The following CAMTA2 variants were observed in gnomAD, a reference collection of about 807,000 sequenced individuals.
The protein encoded by CAMTA2 is calmodulin-binding transcription activator 2.
In CAMTA2, 56 loss-of-function variants were observed where a neutral mutation model predicts 135.7. The observed-to-expected ratio is 0.41, with a 90% CI of 0.33 to 0.52. The LOEUF is 0.52. Ranked by LOEUF, CAMTA2 falls within the 20% of genes least tolerant of loss-of-function variation. The pLI, the probability that CAMTA2 is intolerant of heterozygous loss-of-function variation, is 0.16. For missense variants in CAMTA2, 1,358 were observed against 1,553.4 expected, an observed-to-expected ratio of 0.87 and a Z score of 2.11; for synonymous variants, 591 against 604.6, an observed-to-expected ratio of 0.98 and a Z score of 0.33.
At position 4,969,581 on chromosome 17, in the gene CAMTA2, T is replaced by C. The variant is rs1347450547; in HGVS notation, c.3261+49A>G. On this transcript the variant is annotated intron_variant, in intron 19 of 22. Transcript: ENST00000348066. This position sits in a 1 kb window ranked among gnomAD's most constrained non-coding sequence, Gnocchi z 5.6. ...ACATTCTGGAATGGTTAGGCGTGGG[T>C]GTGGGTTGGTGGGTTGCTGGTTACA... 2.5e-6 allele frequency: 4 copies of C among 1,613,528 alleles called. No individual in the cohort carries two copies. The African/African-American group carries it at 5.3e-5, about 22-fold the overall frequency.
In CAMTA2 at chr17:4,968,142, T is replaced by G. The variant is rs1480050263; in HGVS notation, c.*614A>C. ...CCTCCCCGCGGCGCCTTAAATAGATTCTTCACTATACTCTGTATGTTACAG... is the reference window on the plus strand; with the variant it reads ...CCTCCCCGCGGCGCCTTAAATAGATGCTTCACTATACTCTGTATGTTACAG... On this transcript the variant is annotated 3_prime_UTR_variant, in exon 23 of 23. Transcript: ENST00000348066. 2 of 402,028 alleles carry G rather than the reference T, an allele frequency of 5.0e-6. No individual in the cohort carries two copies. Among genetic ancestry groups the G allele is most frequent in the Non-Finnish European group, 9.2e-6 (2 of 217,830 alleles). 24.9% of individuals were successfully genotyped at this position (402,028 alleles called of 1,614,324 possible). A position where few individuals can be genotyped will look rare whatever the true frequency, so the allele number is the denominator to read the frequency against.
chr17:4,974,864 A>C (rs532834414), intron 11 of CAMTA2, among the ~76,000 whole-genome samples: 1 of 152,298 alleles, frequency 6.6e-6, no homozygotes, highest in East Asian at 1.9e-4. Flanking sequence ...CAATTTTTGC[A>C]GCAGACACTA....
chr17:4,975,947 TTGTG>T (rs1194116241), intron 11 of CAMTA2, among the ~76,000 whole-genome samples: 3 of 152,114 alleles, frequency 2.0e-5, no homozygotes, highest in Admixed American at 6.5e-5. Flanking sequence ...GCCTCTATGT[TTGTG>T]TTAGTACACC....
chr17:4,980,709 G>T lies in CAMTA2; in HGVS notation c.701-88C>A. 1 of 1,024,036 alleles carries T rather than the reference G, an allele frequency of 9.8e-7. No individual in the cohort carries two copies. Among genetic ancestry groups the T allele is most frequent in the Non-Finnish European group, 1.5e-6 (1 of 665,568 alleles). 63.4% of individuals were successfully genotyped at this position (1,024,036 alleles called of 1,614,324 possible). On this transcript the variant is annotated intron_variant, in intron 8 of 22. Coordinates refer to ENST00000348066, the MANE Select transcript of CAMTA2 (RefSeq NM_015099.4). This position sits in a 1 kb window ranked among gnomAD's most constrained non-coding sequence, Gnocchi z 5.3. Reference sequence around the variant, plus strand: ...TTGAGGCCCTTAAAAGTATTTCCTGGGACGTCCCTATAAACCAGAGGTGTA... The same window carrying T: ...TTGAGGCCCTTAAAAGTATTTCCTGTGACGTCCCTATAAACCAGAGGTGTA...
intron 1 of CAMTA2, chr17:4,987,342 C>T (rs1470902235): frequency 1.5e-6 from 2 of 1,343,904 alleles, no homozygotes; most frequent in Non-Finnish European, 1.9e-6. Context: ...CGCGGGCACG[C>T]GGTGGGCGAG....
At position 4,974,446 on chromosome 17, in the gene CAMTA2, A is replaced by G. The variant is rs754530732; in HGVS notation, c.1955T>C (p.Met652Thr). Reference sequence around the variant, plus strand: ...CTGCCCAGCTGCTGCGATCTCTGCCATCCGCTTCTCCATCTGCTCCAGTCG... The same window carrying G: ...CTGCCCAGCTGCTGCGATCTCTGCCGTCCGCTTCTCCATCTGCTCCAGTCG... Reference protein sequence around the residue: ...LERLEQMEKRMAEIAAAGQVP... With the variant: ...LERLEQMEKRTAEIAAAGQVP... Residue 652 changes from methionine to threonine, a missense_variant, in exon 12 of 23, where the codon ATG (methionine) becomes ACG (threonine). Met to Thr is a moderately conservative substitution (Grantham distance 81). This residue lies in a region of CAMTA2 where 1,077 missense variants were observed against 1,127.5 expected (regional missense o/e 0.96). Coordinates refer to ENST00000348066, the MANE Select transcript of CAMTA2 (RefSeq NM_015099.4). 5.0e-6 allele frequency: 8 copies of G among 1,614,022 alleles called. No homozygotes were observed. Among genetic ancestry groups the G allele is most frequent in the Non-Finnish European group, 6.8e-6 (8 of 1,179,940 alleles).
At chr17:4,983,120 TG>T in intron 3 of CAMTA2, 77 bp from the exon 4 acceptor site, 1 of 1,234,924 alleles carries the variant, frequency 8.1e-7, no homozygotes, top group Non-Finnish European at 1.2e-6. Flanking sequence ...ATCCTGTCAG[TG>T]TCTCACTCTC....
Position 4,968,305 on chromosome 17 carries a change from A to G in CAMTA2, c.*451T>C, listed in dbSNP as rs1972036835. On this transcript the variant is annotated 3_prime_UTR_variant, in exon 23 of 23. Coordinates refer to ENST00000348066, the MANE Select transcript of CAMTA2 (RefSeq NM_015099.4). ...AGACAGGGCCAGAGAGGGAGGAAAC[A>G]GACGCAAACATGCGGAGTCGGGTGG... 3.7e-6 allele frequency: 1 copy of G among 272,564 alleles called. No homozygotes were observed. Among genetic ancestry groups the G allele is most frequent in the Non-Finnish European group, 7.1e-6 (1 of 140,300 alleles). The allele number at this position is 272,564 out of a possible 1,614,324, so 16.9% of individuals were successfully genotyped here. A position where few individuals can be genotyped will look rare whatever the true frequency, so the allele number is the denominator to read the frequency against.
rs762121564 is a variant in CAMTA2, at chr17:4,973,746, G to A, written c.2040C>T (p.Phe680=). 6 of 1,611,544 alleles carry A rather than the reference G, an allele frequency of 3.7e-6. No homozygotes were observed. In the East Asian group the frequency reaches 1.3e-4, roughly 36 times the overall value. The part of the protein sequence containing the change: ...PVQDEGQGPG[F]EARVVVLVES... ...CTACCAAGACCACTACCCGTGCTTC[G>A]AACCCAGGCCCCTGGCCTTCATCCT... The change falls in exon 13 of 23, where the codon TTC becomes TTT. Residue 680 remains phenylalanine (F), a synonymous_variant. Transcript: ENST00000348066.
rs1972395997 is a variant in CAMTA2, at chr17:4,972,980, A to G, written c.2292T>C (p.Cys764=). The G allele has an allele frequency of 6.2e-7, 1 of 1,612,500 alleles. No homozygotes were observed. Among genetic ancestry groups the G allele is most frequent in the African/African-American group, 1.3e-5 (1 of 74,902 alleles). ...HFSCTPLMWA[C]ALGHLEAAVL... ...CAGCAGCTTCCAGGTGTCCCAGGGCACAAGCCCACATCTGAGGAAGGGGGC... is the reference window on the plus strand; with the variant it reads ...CAGCAGCTTCCAGGTGTCCCAGGGCGCAAGCCCACATCTGAGGAAGGGGGC... The change falls in exon 15 of 23, where the codon TGT becomes TGC. Residue 764 remains cysteine, a synonymous_variant. Coordinates refer to ENST00000348066, the MANE Select transcript of CAMTA2 (RefSeq NM_015099.4).
At chr17:4,970,681 A>G (rs1972229242) in intron 16 of CAMTA2, 145 bp from the exon 17 acceptor site, 2 of 665,806 alleles carry the variant, frequency 3.0e-6, no homozygotes, top group Non-Finnish European at 5.2e-6. Flanking sequence ...TCATTCATTT[A>G]TACTGATGGG....
intron 16 of CAMTA2, among the ~76,000 whole-genome samples, chr17:4,971,854 AATTTTTGTATTTCTT>A (rs760346702): frequency 6.6e-6 from 1 of 151,726 alleles, no homozygotes; most frequent in African/African-American, 2.4e-5. Context: ...GTGCCCAGTT[AATTTTTGTATTTCTT>A]GTAGAGAGGG....
rs1475523287 is a variant in CAMTA2, at chr17:4,981,208, G to A, written c.700+17C>T. The A allele has an allele frequency of 4.3e-6, 7 of 1,612,084 alleles. No individual in the cohort carries two copies. The highest frequency in any genetic ancestry group is 5.1e-6 in the Non-Finnish European group (6 of 1,179,466). ...GGCTAGGTGGGAAGACAGCCAAAAG[G>A]TCAGGGAGTAACTTACCAAGCCCCC... On this transcript the variant is annotated intron_variant, in intron 8 of 22. Coordinates refer to ENST00000348066, the MANE Select transcript of CAMTA2 (RefSeq NM_015099.4).
rs750749048 is a variant in CAMTA2, at chr17:4,980,470, G to T, written c.852C>A (p.Pro284=). The change falls in exon 9 of 23, where the codon CCC becomes CCA. Residue 284 remains proline (P), a synonymous_variant. Coordinates refer to ENST00000348066, the MANE Select transcript of CAMTA2 (RefSeq NM_015099.4). This position sits in a 1 kb window ranked among gnomAD's most constrained non-coding sequence, Gnocchi z 5.3. The stretch of plus-strand genomic sequence containing the variant: ...AAGAAGATGGGGAGGTGTGTGCCTT[G>T]GGGAGCTCTGGGGGAAGTGGGGCTA... ...PLIAPLPPEL[P]KAHTSPSSSS... is the part of the protein sequence containing the mutation. 6.2e-7 allele frequency: 1 copy of T among 1,612,976 alleles called. No individual in the cohort carries two copies. The highest frequency in any genetic ancestry group is 8.5e-7 in the Non-Finnish European group (1 of 1,179,554).
chr17:4,973,549 A>C, intron 13 of CAMTA2, 36 bp downstream of exon 13: 1 of 1,580,136 alleles, frequency 6.3e-7, no homozygotes, highest in Non-Finnish European at 8.6e-7. Context: ...TCTGTCCCAG[A>C]GGCTGCCCAG....
At position 4,970,378 on chromosome 17, in the gene CAMTA2, C is replaced by T. The variant is rs376425518; in HGVS notation, c.2967G>A (p.Leu989=). 63 of 1,614,118 alleles carry T rather than the reference C, an allele frequency of 3.9e-5. No individual in the cohort carries two copies. The highest frequency in any genetic ancestry group is 5.1e-5 in the Non-Finnish European group (60 of 1,180,040). Residue 989 remains leucine (L), a synonymous_variant, in exon 17 of 23, where the codon CTG becomes CTA. Coordinates refer to ENST00000348066, the MANE Select transcript of CAMTA2 (RefSeq NM_015099.4). ...SETMSWLASY[L]ENVDHFPSST... is the part of the protein sequence containing the mutation. The stretch of plus-strand genomic sequence containing the variant: ...AGCTGGGGAAATGGTCCACATTCTC[C>T]AGGTAGCTGGCCAGCCAGGACATGG...
At position 4,973,878 on chromosome 17, in the gene CAMTA2, C is replaced by T. The variant is rs575889504; in HGVS notation, c.2017-109G>A. On this transcript the variant is annotated intron_variant, in intron 12 of 22. Coordinates refer to ENST00000348066, the MANE Select transcript of CAMTA2 (RefSeq NM_015099.4). ...CCCAGCTTCTAATTTTGCCCCCTCC[C>T]CACATGTCCCACTCTAGGATCCCAT... The T allele has an allele frequency of 2.7e-5, 23 of 846,214 alleles. 1 individual carries two copies. The East Asian group carries it at 5.4e-4, about 20-fold the overall frequency. The allele number at this position is 846,214 out of a possible 1,614,324, so 52.4% of individuals were successfully genotyped here. A position where few individuals can be genotyped will look rare whatever the true frequency, so the allele number is the denominator to read the frequency against.
In CAMTA2 at chr17:4,968,608, C is replaced by T; in HGVS notation, c.*148G>A. ...CGAGGAGAGGGGTGTGGGAGCAAGG[C>T]GTGGGGAGGAGGGAGGAGGCCTACA... On this transcript the variant is annotated 3_prime_UTR_variant, in exon 23 of 23. Coordinates refer to ENST00000348066, the MANE Select transcript of CAMTA2 (RefSeq NM_015099.4). 1.3e-6 allele frequency: 1 copy of T among 784,482 alleles called. No homozygotes were observed. The highest frequency in any genetic ancestry group is 2.1e-6 in the Non-Finnish European group (1 of 473,376). The allele number at this position is 784,482 out of a possible 1,614,324, so 48.6% of individuals were successfully genotyped here. A position where few individuals can be genotyped will look rare whatever the true frequency, so the allele number is the denominator to read the frequency against.
chr17:4,976,521 G>A (rs555712902), intron 11 of CAMTA2, among the ~76,000 whole-genome samples: 121 of 152,094 alleles, frequency 8.0e-4, no homozygotes, highest in Non-Finnish European at 1.3e-3. Context: ...CCAACATGGC[G>A]AAACCTCATC....
Sources: gnomAD v4.1 joint callset for allele counts (sites outside exome capture counted in the v4.1 genomes callset) on GRCh38, gnomAD v4.1.1 for gene constraint, gnomAD v4.1.1 regional missense constraint, Gnocchi (gnomAD v3.1) non-coding constraint, MANE v1.5 for transcripts, NCBI Gene and HGNC (gene_info 2026-07-23, HGNC 2026-07-21) for gene names.